The following CELF5 variants were observed in gnomAD, a reference collection of about 807,000 sequenced individuals.
CELF5 encodes the protein CUG-BP and ETR-3 like factor 5.
In CELF5, 6 loss-of-function variants were observed where a neutral mutation model predicts 54.9. The ratio of observed to expected loss-of-function variants is 0.11; its 90% CI spans 0.06 to 0.22. The LOEUF is 0.22. CELF5 is among the 10% of genes least tolerant of loss of function. CELF5 has a pLI of 1.00. For missense variants in CELF5, 401 were observed against 678.6 expected (o/e 0.59, Z 4.54); for synonymous variants, 271 against 290.9 (o/e 0.93, Z 0.70).
At position 3,237,373 on chromosome 19, in the gene CELF5, C is replaced by T. The variant is rs530491857; in HGVS notation, c.259+12375C>T. ...AAGAATAGCTACTGCATAGAGCAGC[C>T]GCCTGGGCTGCTTGTTGGCAGTTTT... is the stretch of plus-strand genomic sequence containing the variant. On this transcript the variant is annotated intron_variant, in intron 1 of 12. Transcript: ENST00000292672. Among the ~76,000 whole-genome samples, 14 of 151,422 alleles carry T rather than the reference C, an allele frequency of 9.2e-5. 1 individual carries two copies. The South Asian group carries it at 2.5e-3, about 27-fold the overall frequency.
At chr19:3,245,310 T>C (rs2079551198) in intron 1 of CELF5, among the ~76,000 whole-genome samples, 1 of 149,324 alleles carries the variant, frequency 6.7e-6, no homozygotes, top group Non-Finnish European at 1.5e-5. Flanking sequence ...TGTGTGTGTG[T>C]GGTGTGTGTA....
At chr19:3,236,394 G>C (rs770237587) in intron 1 of CELF5, among the ~76,000 whole-genome samples, 4 of 152,128 alleles carry the variant, frequency 2.6e-5, no homozygotes, top group African/African-American at 4.8e-5. Flanking sequence ...GCTCAGAGAG[G>C]TTAAGTGGCT....
At chr19:3,238,800 G>T (rs1266558589) in intron 1 of CELF5, among the ~76,000 whole-genome samples, 1 of 152,088 alleles carries the variant, frequency 6.6e-6, no homozygotes, top group Non-Finnish European at 1.5e-5. Flanking sequence ...GTGTGGCGGC[G>T]GGTGCCTGTA....
intron 1 of CELF5, among the ~76,000 whole-genome samples, chr19:3,248,108 C>T (rs750078862): frequency 6.6e-6 from 1 of 152,088 alleles, no homozygotes; most frequent in African/African-American, 2.4e-5. Context: ...GCATTAAGTA[C>T]ATTCATATTG....
chr19:3,265,382 T>C (rs908971090), intron 2 of CELF5, among the ~76,000 whole-genome samples: 9 of 152,124 alleles, frequency 5.9e-5, no homozygotes, highest in Admixed American at 1.3e-4. Context: ...GCAGCTTTTA[T>C]TGCAACAGCA....
At chr19:3,257,626 C>T (rs1281436356) in intron 2 of CELF5, among the ~76,000 whole-genome samples, 2 of 151,338 alleles carry the variant, frequency 1.3e-5, no homozygotes, top group Non-Finnish European at 2.9e-5. Context: ...CAGGCATGCA[C>T]CACCATGCCC....
chr19:3,251,064 C>T lies in CELF5; in HGVS notation c.339C>T (p.Pro113=), dbSNP rs369196004. The change falls in exon 2 of 13, where the codon CCC becomes CCT. Residue 113 remains proline (P), a synonymous_variant. Coordinates refer to ENST00000292672, the MANE Select transcript of CELF5 (RefSeq NM_021938.4). ...CCCTGCACGAGCAGAAGACCTTGCCCGGAGTGAGTCCTGTGTGGTGTCTGG... is the reference window on the plus strand; with the variant it reads ...CCCTGCACGAGCAGAAGACCTTGCCTGGAGTGAGTCCTGTGTGGTGTCTGG... ...QTALHEQKTL[P]GMARPIQVKP... The T allele has an allele frequency of 6.4e-5, 104 of 1,612,626 alleles. No homozygotes were observed. Among genetic ancestry groups the T allele is most frequent in the Admixed American group, 1.0e-4 (6 of 59,984 alleles).
At chr19:3,245,174 CTT>C (rs969194020) in intron 1 of CELF5, among the ~76,000 whole-genome samples, 6 of 133,210 alleles carry the variant, frequency 4.5e-5, no homozygotes, top group African/African-American at 1.4e-4. Context: ...GTGCATGTGT[CTT>C]TGCGTGTGTG....
At chr19:3,229,856 A>T (rs530456851) in intron 1 of CELF5, among the ~76,000 whole-genome samples, 1 of 152,284 alleles carries the variant, frequency 6.6e-6, no homozygotes, top group East Asian at 1.9e-4. Flanking sequence ...GCTCAGGTGC[A>T]GGGAGGATGG....
intron 1 of CELF5, among the ~76,000 whole-genome samples, chr19:3,247,961 C>T (rs1225089409): frequency 6.6e-6 from 1 of 151,842 alleles, no homozygotes; most frequent in Admixed American, 6.6e-5. Flanking sequence ...GATGGAGTTT[C>T]GCCTTTTGGG....
chr19:3,249,542 A>T (rs1250915619), intron 1 of CELF5, among the ~76,000 whole-genome samples: 1 of 128,378 alleles, frequency 7.8e-6, no homozygotes, highest in African/African-American at 3.1e-5. Context: ...TCACAGCCTC[A>T]CTCTGGGCCA....
Position 3,281,993 on chromosome 19 carries a change from C to A in CELF5, c.751-133C>A. On this transcript the variant is annotated intron_variant, in intron 6 of 12. Coordinates refer to ENST00000292672, the MANE Select transcript of CELF5 (RefSeq NM_021938.4). The surrounding 1 kb of genome is among the most constrained non-coding windows in gnomAD (Gnocchi z 6.5). Reference sequence around the variant, plus strand: ...TGAGCCTTGATCCCAGTCTGAGCTCCAATTCTGATCTCAGCCTGAGCCAAG... The same window carrying A: ...TGAGCCTTGATCCCAGTCTGAGCTCAAATTCTGATCTCAGCCTGAGCCAAG... The A allele has an allele frequency of 1.0e-6, 1 of 979,160 alleles. No homozygotes were observed. Among genetic ancestry groups the A allele is most frequent in the Non-Finnish European group, 1.6e-6 (1 of 632,512 alleles). The allele number at this position is 979,160 out of a possible 1,614,324, so 60.7% of individuals were successfully genotyped here.
intron 1 of CELF5, among the ~76,000 whole-genome samples, chr19:3,242,988 T>C (rs966517119): frequency 2.8e-5 from 4 of 145,060 alleles, no homozygotes; most frequent in African/African-American, 1.0e-4. Context: ...ATAATAATAA[T>C]AAAGCCTGGA....
intron 2 of CELF5, among the ~76,000 whole-genome samples, chr19:3,260,415 C>T (rs568724148): frequency 6.6e-6 from 1 of 151,906 alleles, no homozygotes; most frequent in African/African-American, 2.4e-5. Context: ...GGATTACAGG[C>T]GTAAGCCACC....
intron 1 of CELF5, among the ~76,000 whole-genome samples, chr19:3,240,460 T>C (rs2145016879): frequency 6.6e-6 from 1 of 152,020 alleles, no homozygotes; most frequent in East Asian, 1.9e-4. Context: ...CCTACGTAGC[T>C]GGGACTACAA....
At chr19:3,249,701 C>T (rs1389209239) in intron 1 of CELF5, among the ~76,000 whole-genome samples, 1 of 152,218 alleles carries the variant, frequency 6.6e-6, no homozygotes, top group South Asian at 2.1e-4. Context: ...TCAAGCTCCA[C>T]CCCCATCCAT....
chr19:3,260,626 T>A, intron 2 of CELF5, among the ~76,000 whole-genome samples: 1 of 147,660 alleles, frequency 6.8e-6, no homozygotes, highest in East Asian at 2.0e-4. Flanking sequence ...GGCTAATTTT[T>A]TTTTTTTTTT....
At chr19:3,289,321 T>C (rs1345111749) in intron 10 of CELF5, among the ~76,000 whole-genome samples, 1 of 152,088 alleles carries the variant, frequency 6.6e-6, no homozygotes, top group Admixed American at 6.6e-5. Flanking sequence ...CTTGGGAGTC[T>C]GAGGAAGGAG....
At chr19:3,240,717 C>T (rs938421034) in intron 1 of CELF5, among the ~76,000 whole-genome samples, 11 of 151,890 alleles carry the variant, frequency 7.2e-5, no homozygotes, top group African/African-American at 2.2e-4. Flanking sequence ...TTCAGGAAGC[C>T]GTCTCCAAGC....
Sources: gnomAD v4.1 joint callset for allele counts (sites outside exome capture counted in the v4.1 genomes callset) on GRCh38, gnomAD v4.1.1 for gene constraint, Gnocchi (gnomAD v3.1) non-coding constraint, MANE v1.5 for transcripts, NCBI Gene and HGNC (gene_info 2026-07-23, HGNC 2026-07-21) for gene names.